AMPD3: variants seen among roughly 807,000 people sequenced by gnomAD.
AMPD3 encodes AMP deaminase 3.
In AMPD3, 57 loss-of-function variants were observed where a neutral mutation model predicts 82.3. The observed-to-expected ratio is 0.69, with a 90% CI of 0.56 to 0.86. The LOEUF (loss-of-function observed/expected upper bound fraction) is 0.86. Ranked by LOEUF, AMPD3 falls within the 40% of genes least tolerant of loss-of-function variation. AMPD3 has a pLI of 0.00. For synonymous variants in AMPD3, 381 were observed against 394.7 expected (o/e 0.97, Z 0.41); for missense variants, 870 against 1,003.8 (o/e 0.87, Z 1.80).
intron 2 of AMPD3, among the ~76,000 whole-genome samples, chr11:10,476,426 C>G (rs1848736663): frequency 6.6e-6 from 1 of 151,594 alleles, no homozygotes; most frequent in African/African-American, 2.4e-5. Flanking sequence ...GCCTGGTAGG[C>G]TGTTGGCTTA....
In AMPD3 at chr11:10,494,431, T is replaced by C. The variant is rs1276639830; in HGVS notation, c.1135-468T>C. 6.9e-6 allele frequency: 3 copies of C among 436,468 alleles called. No individual in the cohort carries two copies. The East Asian group carries it at 4.7e-4, about 69-fold the overall frequency. The allele number at this position is 436,468 out of a possible 1,614,324, so 27.0% of individuals were successfully genotyped here. A position where few individuals can be genotyped will look rare whatever the true frequency, so the allele number is the denominator to read the frequency against. On this transcript the variant is annotated intron_variant, in intron 7 of 14. Coordinates refer to ENST00000396553, the MANE Select transcript of AMPD3 (RefSeq NM_001025389.2). The stretch of plus-strand genomic sequence containing the variant: ...GGTGATGGTTGCACAACAATGTCAA[T>C]GTACTTAAAGCCACTGGAACTGTAT...
At chr11:10,500,474 C>A in intron 11 of AMPD3, 3 of 596,250 alleles carry the variant, frequency 5.0e-6, no homozygotes, top group South Asian at 1.5e-4. Flanking sequence ...CACCATAACA[C>A]ACATGCCAGT....
intron 2 of AMPD3, among the ~76,000 whole-genome samples, chr11:10,468,755 C>A (rs541577635): frequency 6.6e-6 from 1 of 152,328 alleles, no homozygotes; most frequent in East Asian, 1.9e-4. Context: ...AAACACTCCT[C>A]AGCAAACGCA....
At chr11:10,462,311 G>A (rs897140322) in intron 2 of AMPD3, among the ~76,000 whole-genome samples, 1 of 152,196 alleles carries the variant, frequency 6.6e-6, no homozygotes, top group Non-Finnish European at 1.5e-5. Context: ...GTAGAGAGCT[G>A]AGAAACCAAA....
At chr11:10,477,565 T>C (rs1255681475) in intron 2 of AMPD3, among the ~76,000 whole-genome samples, 1 of 152,204 alleles carries the variant, frequency 6.6e-6, no homozygotes. Context: ...CATGGGCTTG[T>C]GGCATTTTAA....
intron 3 of AMPD3, chr11:10,481,661 G>A (rs561161193): frequency 4.7e-5 from 13 of 275,514 alleles, no homozygotes; most frequent in Non-Finnish European, 6.6e-5. Context: ...TGGAGGATAC[G>A]AGGTGCAAGC....
chr11:10,504,589 GGAAGCTGAGC>G lies in AMPD3; in HGVS notation c.2058_2067del (p.Trp686Ter), dbSNP rs1478330069. Reference sequence around the variant, plus strand: ...GAATATGCCATTGCAGCTCAAGTGTGGAAGCTGAGCACCTGCGACCTGTGTGAGATCGCCA... The same window carrying G: ...GAATATGCCATTGCAGCTCAAGTGTGACCTGCGACCTGTGTGAGATCGCCA... On this transcript the variant is annotated frameshift_variant, in exon 14 of 15. Coordinates refer to ENST00000396553, the MANE Select transcript of AMPD3 (RefSeq NM_001025389.2). LOFTEE classifies it high-confidence loss of function. 6.2e-7 allele frequency: 1 copy of G among 1,614,078 alleles called. No homozygotes were observed. The highest frequency in any genetic ancestry group is 8.5e-7 in the Non-Finnish European group (1 of 1,180,040).
chr11:10,499,557 TG>T, intron 10 of AMPD3: 2 of 633,508 alleles, frequency 3.2e-6, no homozygotes, highest in Non-Finnish European at 3.9e-6. Context: ...GCTTTGGCCC[TG>T]GTTTGCTCAA....
At chr11:10,458,633 TA>T (rs1285811930) in intron 1 of AMPD3, among the ~76,000 whole-genome samples, 1 of 152,212 alleles carries the variant, frequency 6.6e-6, no homozygotes, top group Non-Finnish European at 1.5e-5. Flanking sequence ...ACTGTATTTT[TA>T]TTTTTTTATG....
chr11:10,476,932 C>G (rs542159447), intron 2 of AMPD3: 1 of 970,086 alleles, frequency 1.0e-6, no homozygotes, highest in East Asian at 1.2e-4. Flanking sequence ...TTAGCAGGAC[C>G]AGGGGCAAGG....
At chr11:10,491,739 A>G (rs1180492476) in intron 6 of AMPD3, among the ~76,000 whole-genome samples, 2 of 152,166 alleles carry the variant, frequency 1.3e-5, no homozygotes, top group South Asian at 4.1e-4. Context: ...TTCAGGACAC[A>G]CCATTTCCTG....
chr11:10,467,076 G>A (rs1848442821), intron 2 of AMPD3, among the ~76,000 whole-genome samples: 1 of 152,138 alleles, frequency 6.6e-6, no homozygotes, highest in African/African-American at 2.4e-5. Flanking sequence ...GTGCAAAAAG[G>A]CTGAAAATTC....
rs748440651 is a variant in AMPD3 at position 10,478,614 on chromosome 11, C to T, written c.310C>T (p.Pro104Ser). The stretch of plus-strand genomic sequence containing the variant: ...TTGGAAGGGCCCCCCGGCAGCCAGT[C>T]CGGCCATGTCTCCCACAACCCCTGT... ...QDWKGPPAAS[P>S]AMSPTTPVVT... Residue 104 changes from proline (P) to serine (S), a missense_variant, in exon 3 of 15, where the codon CCG (proline) becomes TCG (serine). Pro to Ser is a moderately conservative substitution (Grantham distance 74). Coordinates refer to ENST00000396553, the MANE Select transcript of AMPD3 (RefSeq NM_001025389.2). The T allele has an allele frequency of 1.2e-6, 2 of 1,614,230 alleles. No individual in the cohort carries two copies. The highest frequency in any genetic ancestry group is 2.2e-5 in the South Asian group (2 of 91,088).
At chr11:10,483,011 C>T (rs1390519990) in intron 4 of AMPD3, among the ~76,000 whole-genome samples, 1 of 152,198 alleles carries the variant, frequency 6.6e-6, no homozygotes, top group African/African-American at 2.4e-5. Context: ...AGATATTTCT[C>T]TAAGCCTCAC....
chr11:10,484,710 G>A lies in AMPD3; in HGVS notation c.590-110G>A, dbSNP rs552000829. ...AGAGCATATGAGATGCGGGGCCGGCGCAGGGTTGGATTTTGGGCAGGAAGG... is the reference window on the plus strand; with the variant it reads ...AGAGCATATGAGATGCGGGGCCGGCACAGGGTTGGATTTTGGGCAGGAAGG... On this transcript the variant is annotated intron_variant, in intron 4 of 14. Coordinates refer to ENST00000396553, the MANE Select transcript of AMPD3 (RefSeq NM_001025389.2). 123 of 1,373,464 alleles carry A rather than the reference G, an allele frequency of 9.0e-5. No individual in the cohort carries two copies. In the Admixed American group the frequency reaches 1.4e-3, roughly 16 times the overall value. 85.1% of individuals were successfully genotyped at this position (1,373,464 alleles called of 1,614,324 possible). A position where few individuals can be genotyped will look rare whatever the true frequency, so the allele number is the denominator to read the frequency against.
rs556368269 is a variant in AMPD3 at position 10,494,824 on chromosome 11, C to A, written c.1135-75C>A. ...GGTGTGGCCATACAGAAGGCCGCCTCGTAAAGGTCTAGAGAGGGGAACGTG... is the reference window on the plus strand; with the variant it reads ...GGTGTGGCCATACAGAAGGCCGCCTAGTAAAGGTCTAGAGAGGGGAACGTG... On this transcript the variant is annotated intron_variant, in intron 7 of 14. Coordinates refer to ENST00000396553, the MANE Select transcript of AMPD3 (RefSeq NM_001025389.2). 4.2e-5 allele frequency: 66 copies of A among 1,582,020 alleles called. No homozygotes were observed. In the African/African-American group the frequency reaches 6.5e-4, roughly 15 times the overall value.
chr11:10,504,652 C>G lies in AMPD3; in HGVS notation c.2120C>G (p.Ser707Trp), dbSNP rs752148858. 1 of 1,614,002 alleles carries G rather than the reference C, an allele frequency of 6.2e-7. No individual in the cohort carries two copies. The highest frequency in any genetic ancestry group is 8.5e-7 in the Non-Finnish European group (1 of 1,179,922). ...AACAGCGTGCTGCAGAGCGGCCTCTCGCATCAGGTATGGAGTGTGACGGTG... is the reference window on the plus strand; with the variant it reads ...AACAGCGTGCTGCAGAGCGGCCTCTGGCATCAGGTATGGAGTGTGACGGTG... Reference protein sequence around the residue: ...ARNSVLQSGLSHQEKQKFLGQ... With the variant: ...ARNSVLQSGLWHQEKQKFLGQ... The change falls in exon 14 of 15, where the codon TCG (serine) becomes TGG (tryptophan). Residue 707 changes from serine (S) to tryptophan (W), a missense_variant. Coordinates refer to ENST00000396553, the MANE Select transcript of AMPD3 (RefSeq NM_001025389.2).
chr11:10,493,948 A>G (rs1591477974), intron 7 of AMPD3, among the ~76,000 whole-genome samples: 1 of 152,268 alleles, frequency 6.6e-6, no homozygotes, highest in African/African-American at 2.4e-5. Flanking sequence ...AGTTAAGTAT[A>G]GAATTACCTA....
At position 10,485,348 on chromosome 11, in the gene AMPD3, G is replaced by A. The variant is rs184038841; in HGVS notation, c.809+309G>A. Among the ~76,000 whole-genome samples, 42 of 152,286 alleles carry A rather than the reference G, an allele frequency of 2.8e-4. No individual in the cohort carries two copies. The East Asian group carries it at 7.6e-3, about 27-fold the overall frequency. ...TGCAACCTCTGCCTCCTGGGTTGAA[G>A]TGATTCTCTTGCCTCAGCGTCCTGA... On this transcript the variant is annotated intron_variant, in intron 5 of 14. Coordinates refer to ENST00000396553, the MANE Select transcript of AMPD3 (RefSeq NM_001025389.2).
Sources: gnomAD v4.1 joint callset for allele counts (sites outside exome capture counted in the v4.1 genomes callset) on GRCh38, gnomAD v4.1.1 for gene constraint, MANE v1.5 for transcripts, NCBI Gene and HGNC (gene_info 2026-07-23, HGNC 2026-07-21) for gene names.